Variants in UNC79 observed in about 807,000 individuals in gnomAD.
The protein encoded by UNC79 is protein unc-79 homolog.
UNC79 carries 37 observed loss-of-function variants against 283.1 expected under a neutral mutation model. The observed-to-expected ratio is 0.13, with a 90% CI of 0.10 to 0.17. The LOEUF (loss-of-function observed/expected upper bound fraction) is 0.17. UNC79 is among the 10% of genes least tolerant of loss of function. The pLI, the probability that UNC79 is intolerant of heterozygous loss-of-function variation, is 1.00. For missense variants in UNC79, 2,272 were observed against 3,211.1 expected, an observed-to-expected ratio of 0.71 and a Z score of 7.07; for synonymous variants, 1,107 against 1,200.2, an observed-to-expected ratio of 0.92 and a Z score of 1.61.
chr14:93,670,679 G>T (rs930050401), intron 40 of UNC79, among the ~76,000 whole-genome samples: 3 of 152,120 alleles, frequency 2.0e-5, no homozygotes, highest in African/African-American at 4.8e-5. Context: ...TTAATCCATT[G>T]ACCATTGGTG....
chr14:93,532,529 T>C (rs1198942370), intron 10 of UNC79, 21 bp from the exon 11 acceptor site: 2 of 1,606,748 alleles, frequency 1.2e-6, no homozygotes, highest in Non-Finnish European at 1.7e-6. Context: ...TGTTGATATT[T>C]TGTGTGCCTT....
In UNC79 at chr14:93,384,454, C is replaced by T. The variant is rs192774961; in HGVS notation, c.-351+50931C>T. Among the ~76,000 whole-genome samples, 224 of 152,216 alleles carry T rather than the reference C, an allele frequency of 1.5e-3. 1 individual carries two copies. Among genetic ancestry groups the T allele is most frequent in the Non-Finnish European group, 1.8e-3 (124 of 67,994 alleles). On this transcript the variant is annotated intron_variant, in intron 1 of 49. Coordinates refer to the UNC79 transcript ENST00000256339. The stretch of plus-strand genomic sequence containing the variant: ...TTTGCATTTCTCTGATGATCAGTGA[C>T]GTTGAGCACCTTTTCAATACTCCTG...
At chr14:93,543,730 G>A (rs796424230) in intron 14 of UNC79, among the ~76,000 whole-genome samples, 2 of 152,232 alleles carry the variant, frequency 1.3e-5, no homozygotes, top group South Asian at 2.1e-4. Flanking sequence ...CCAGAATCAG[G>A]TTTTGGCAGT....
intron 14 of UNC79, among the ~76,000 whole-genome samples, chr14:93,562,939 C>T (rs910268462): frequency 1.3e-5 from 2 of 152,152 alleles, no homozygotes; most frequent in Non-Finnish European, 2.9e-5. Context: ...TGAACAATCC[C>T]TGAGGGGTAG....
intron 37 of UNC79, 38 bp from the exon 41 acceptor site, chr14:93,655,196 G>A: frequency 6.2e-7 from 1 of 1,606,196 alleles, no homozygotes; most frequent in Middle Eastern, 1.7e-4. Context: ...TTCCCGTGCT[G>A]TTTCAGCAGT....
intron 3 of UNC79, among the ~76,000 whole-genome samples, chr14:93,475,749 G>A (rs551775124): frequency 7.2e-4 from 109 of 152,256 alleles, no homozygotes; most frequent in Middle Eastern, 3.4e-3. Flanking sequence ...GGAGCTGCCC[G>A]TTATCTTCAA....
intron 1 of UNC79, among the ~76,000 whole-genome samples, chr14:93,383,387 G>A (rs2054704270): frequency 6.6e-6 from 1 of 152,202 alleles, no homozygotes; most frequent in Non-Finnish European, 1.5e-5. Flanking sequence ...TGAAGGTATT[G>A]TGGGTTCCAT....
chr14:93,347,593 C>T (rs78198055), intron 1 of UNC79, among the ~76,000 whole-genome samples: 10,890 of 151,916 alleles, frequency 0.072, 811 homozygotes, highest in African/African-American at 0.19. Flanking sequence ...GTGAGGATGC[C>T]GTCGTCGGGC....
chr14:93,425,526 A>G (rs1001773057), upstream of UNC79, among the ~76,000 whole-genome samples: 2 of 152,210 alleles, frequency 1.3e-5, no homozygotes, highest in Non-Finnish European at 2.9e-5. Context: ...TAAACAGGCA[A>G]GTACAAACAT....
chr14:93,622,298 G>A, exon 30 of UNC79: 2 of 1,614,150 alleles, frequency 1.2e-6, no homozygotes, highest in Middle Eastern at 1.6e-4. Context: ...ACAAGTAAGT[G>A]TGGAGGATTG....
chr14:93,696,711 TATGTG>T lies in UNC79; in HGVS notation c.7548+2302_7548+2306del, dbSNP rs2075156198. 2.0e-5 allele frequency among the ~76,000 whole-genome samples: 3 copies of T among 152,322 alleles called. No homozygotes were observed. In the South Asian group the frequency reaches 6.2e-4, roughly 32 times the overall value. The stretch of plus-strand genomic sequence containing the variant: ...TTTGAGATACAAGTCCTTTATCAGG[TATGTG>T]ATTTGCAAAGATTTTTCTCTGTGGT... On this transcript the variant is annotated intron_variant, in intron 47 of 48. Coordinates refer to ENST00000555664, the Ensembl canonical transcript of UNC79.
chr14:93,649,856 A>G (rs2070053436), intron 35 of UNC79, among the ~76,000 whole-genome samples: 1 of 152,234 alleles, frequency 6.6e-6, no homozygotes, highest in South Asian at 2.1e-4. Context: ...GAAGTGCACA[A>G]ATCTTAAGTG....
intron 1 of UNC79, among the ~76,000 whole-genome samples, chr14:93,452,483 G>A (rs2056675190): frequency 6.6e-6 from 1 of 150,442 alleles, no homozygotes; most frequent in Non-Finnish European, 1.5e-5. Flanking sequence ...CCGCCTCCCA[G>A]GTTCAAGCGA....
intron 1 of UNC79, chr14:93,348,024 C>T: frequency 1.3e-6 from 2 of 1,595,762 alleles, no homozygotes; most frequent in Non-Finnish European, 1.7e-6. Context: ...ATCTTCTCTT[C>T]CAGGAAATGG....
chr14:93,506,611 G>A (rs2059556141), intron 7 of UNC79, among the ~76,000 whole-genome samples: 1 of 150,974 alleles, frequency 6.6e-6, no homozygotes, highest in Non-Finnish European at 1.5e-5. Context: ...TTTATTTTTG[G>A]CAGCTTTACT....
intron 1 of UNC79, among the ~76,000 whole-genome samples, chr14:93,455,565 TC>T (rs2056773040): frequency 6.6e-6 from 1 of 152,126 alleles, no homozygotes; most frequent in Admixed American, 6.5e-5. Context: ...TCTTATATCT[TC>T]TTTACTCCAC....
At chr14:93,564,768 T>TGG (rs369517052) in intron 14 of UNC79, among the ~76,000 whole-genome samples, 12 of 150,532 alleles carry the variant, frequency 8.0e-5, no homozygotes, top group Middle Eastern at 3.4e-3. Flanking sequence ...CTGGCAGGGG[T>TGG]GGGGGTCACA....
chr14:93,435,901 C>T (rs2056069153), intron 1 of UNC79, among the ~76,000 whole-genome samples: 1 of 152,204 alleles, frequency 6.6e-6, no homozygotes, highest in African/African-American at 2.4e-5. Context: ...CTAATGCCTA[C>T]TTACTGCTCA....
At chr14:93,530,914 A>G (rs963952905) in intron 10 of UNC79, among the ~76,000 whole-genome samples, 2 of 152,212 alleles carry the variant, frequency 1.3e-5, no homozygotes, top group African/African-American at 4.8e-5. Flanking sequence ...GTCTCAGAAA[A>G]AAAACAAAAC....
Sources: gnomAD v4.1 joint callset for allele counts (sites outside exome capture counted in the v4.1 genomes callset) on GRCh38, gnomAD v4.1.1 for gene constraint, MANE v1.5 for transcripts, NCBI Gene and HGNC (gene_info 2026-07-23, HGNC 2026-07-21) for gene names.